KAZN: variants seen among roughly 807,000 people sequenced by gnomAD.
The protein encoded by KAZN is kazrin, periplakin interacting protein, also known as kazrin.
A neutral mutation model predicts 87.4 loss-of-function variants in KAZN; 40 were observed. The ratio of observed to expected loss-of-function variants is 0.46; its 90% CI spans 0.36 to 0.60. The LOEUF (loss-of-function observed/expected upper bound fraction) is 0.60, where lower values mean the gene tolerates loss of function less well. Ranked by LOEUF, KAZN falls within the 20% of genes least tolerant of loss-of-function variation. The pLI is 0.00. For missense variants in KAZN, 898 were observed against 1,073.9 expected, an observed-to-expected ratio of 0.84 and a Z score of 2.29; for synonymous variants, 466 against 458.3, an observed-to-expected ratio of 1.02 and a Z score of -0.22.
chr1:14,420,900 T>A (rs998229232), intron 2 of KAZN, among the ~76,000 whole-genome samples: 1 of 145,378 alleles, frequency 6.9e-6, no homozygotes, highest in Non-Finnish European at 1.6e-5. Flanking sequence ...ACACCTCCCC[T>A]CCACACCTCC....
intron 2 of KAZN, among the ~76,000 whole-genome samples, chr1:14,418,183 C>T (rs941912290): frequency 1.3e-4 from 19 of 151,948 alleles, no homozygotes; most frequent in African/African-American, 4.6e-4. Context: ...TTAGATCTTA[C>T]TAAAGGTAGT....
intron 1 of KAZN, among the ~76,000 whole-genome samples, chr1:14,946,856 T>C (rs1444176105): frequency 1.3e-5 from 2 of 152,214 alleles, no homozygotes; most frequent in African/African-American, 4.8e-5. Flanking sequence ...CGGTTGAGGT[T>C]GTGGATTCCA....
At chr1:14,485,775 C>T (rs942714954) in intron 2 of KAZN, among the ~76,000 whole-genome samples, 1 of 151,898 alleles carries the variant, frequency 6.6e-6, no homozygotes, top group Non-Finnish European at 1.5e-5. Flanking sequence ...TGCCTGTAGT[C>T]CCGGCTACTT....
At chr1:14,984,133 G>A (rs763708604) in intron 2 of KAZN, among the ~76,000 whole-genome samples, 39 of 152,000 alleles carry the variant, frequency 2.6e-4, no homozygotes, top group Non-Finnish European at 4.4e-4. Flanking sequence ...TTGGGAGGCC[G>A]AGGCAGGCAG....
intron 1 of KAZN, among the ~76,000 whole-genome samples, chr1:14,823,027 T>C (rs1436905999): frequency 6.6e-6 from 1 of 152,082 alleles, no homozygotes; most frequent in Non-Finnish European, 1.5e-5. Context: ...GGAGGTTCTC[T>C]TCGAAAGCAG....
At chr1:14,209,693 T>C (rs191175633) in intron 2 of KAZN, among the ~76,000 whole-genome samples, 73 of 152,328 alleles carry the variant, frequency 4.8e-4, no homozygotes, top group Non-Finnish European at 9.4e-4. Flanking sequence ...GGCAGGTGAA[T>C]ATCAGGATAA....
chr1:14,486,891 T>C (rs997457876), intron 2 of KAZN, among the ~76,000 whole-genome samples: 9 of 152,212 alleles, frequency 5.9e-5, no homozygotes, highest in African/African-American at 2.2e-4. Context: ...GGTAGCTCCC[T>C]GTAAATTACG....
At chr1:14,655,087 GTC>G in intron 1 of KAZN, among the ~76,000 whole-genome samples, 1 of 152,316 alleles carries the variant, frequency 6.6e-6, no homozygotes, top group South Asian at 2.1e-4. Context: ...TGGGCCAGGG[GTC>G]TGAGGATTTA....
At chr1:14,538,156 G>A (rs544153804) in intron 2 of KAZN, among the ~76,000 whole-genome samples, 1 of 152,268 alleles carries the variant, frequency 6.6e-6, no homozygotes, top group Non-Finnish European at 1.5e-5. Context: ...AATATATGGA[G>A]CAAGAAATGA....
chr1:15,087,974 C>T (rs753468057), intron 8 of KAZN, among the ~76,000 whole-genome samples: 6 of 152,222 alleles, frequency 3.9e-5, no homozygotes, highest in African/African-American at 7.2e-5. Flanking sequence ...AAAACGCTTC[C>T]GTGAGATCTT....
rs1213581646 is a variant in KAZN, at chr1:14,233,137, TA to T, written c.249+52546del. 7.9e-5 allele frequency among the ~76,000 whole-genome samples: 12 copies of T among 152,006 alleles called. No individual in the cohort carries two copies. In the East Asian group the frequency reaches 1.2e-3, roughly 15 times the overall value. ...GAGGCACTTAGTTGCTAAATTCTTT[TA>T]TTTTTTTTTTTGAGACAAGGTCCCA... On this transcript the variant is annotated intron_variant, in intron 2 of 16. Coordinates refer to the KAZN transcript ENST00000636203.
At chr1:14,869,941 C>A (rs2690019) in intron 1 of KAZN, among the ~76,000 whole-genome samples, 5 of 152,048 alleles carry the variant, frequency 3.3e-5, no homozygotes, top group African/African-American at 9.7e-5. Context: ...ACCCAACACC[C>A]ACCCCGGCAT....
At chr1:14,162,547 C>CTTT (rs113937893) in intron 1 of KAZN, among the ~76,000 whole-genome samples, 2,339 of 138,784 alleles carry the variant, frequency 0.017, 34 homozygotes, top group Non-Finnish European at 0.026. Flanking sequence ...TTTCTTTTTT[C>CTTT]TTTTTTTTTT....
chr1:14,086,710 G>A (rs867917521), intron 1 of KAZN, among the ~76,000 whole-genome samples: 38 of 151,928 alleles, frequency 2.5e-4, no homozygotes, highest in African/African-American at 8.7e-4. Flanking sequence ...TTACATTTAG[G>A]TCTATGATCC....
intron 2 of KAZN, among the ~76,000 whole-genome samples, chr1:14,268,516 G>T (rs1448225749): frequency 2.6e-5 from 4 of 151,904 alleles, no homozygotes; most frequent in Admixed American, 2.6e-4. Flanking sequence ...CAGATTGAGA[G>T]GAAGGGGTTA....
chr1:14,686,957 G>A (rs773896557), intron 1 of KAZN, among the ~76,000 whole-genome samples: 4 of 152,146 alleles, frequency 2.6e-5, no homozygotes, highest in Non-Finnish European at 5.9e-5. Flanking sequence ...CTGTTTTCAT[G>A]GTGCTCCCTG....
At chr1:14,005,436 C>T (rs540986323) in intron 1 of KAZN, among the ~76,000 whole-genome samples, 2 of 152,298 alleles carry the variant, frequency 1.3e-5, no homozygotes, top group South Asian at 4.1e-4. Flanking sequence ...TCTCCCTCTC[C>T]AGAGAAGGGC....
intron 2 of KAZN, among the ~76,000 whole-genome samples, chr1:14,987,290 C>T (rs1386463574): frequency 2.0e-5 from 3 of 152,058 alleles, no homozygotes; most frequent in African/African-American, 7.2e-5. Context: ...GTCAGGAGTT[C>T]GAGACCAGCC....
At chr1:14,267,730 G>T (rs572163465) in intron 2 of KAZN, among the ~76,000 whole-genome samples, 2 of 152,264 alleles carry the variant, frequency 1.3e-5, no homozygotes, top group East Asian at 3.9e-4. Context: ...CACTTTGAGA[G>T]GCTGAGGCGG....
Sources: gnomAD v4.1 joint callset for allele counts (sites outside exome capture counted in the v4.1 genomes callset) on GRCh38, gnomAD v4.1.1 for gene constraint, MANE v1.5 for transcripts, NCBI Gene and HGNC (gene_info 2026-07-23, HGNC 2026-07-21) for gene names.